The following WDR72 variants were observed in gnomAD, a reference collection of about 807,000 sequenced individuals.
WDR72 encodes WD repeat-containing protein 72.
WDR72 carries 120 observed loss-of-function variants against 124.2 expected under a neutral mutation model. The observed-to-expected ratio is 0.97, with a 90% confidence interval of 0.83 to 1.12. The LOEUF (loss-of-function observed/expected upper bound fraction) is 1.12, where lower values mean the gene tolerates loss of function less well. Among genes scored for constraint, WDR72 ranks in the 50% most tolerant of loss-of-function variants. The pLI, the probability that WDR72 is intolerant of heterozygous loss-of-function variation, is 0.00. For missense variants in WDR72, 1,387 were observed against 1,278.8 expected (o/e 1.08, Z -1.29); for synonymous variants, 452 against 441.7 (o/e 1.02, Z -0.29).
chr15:53,755,473 G>A (rs757402062), intron 1 of WDR72, among the ~76,000 whole-genome samples: 52 of 152,068 alleles, frequency 3.4e-4, no homozygotes, highest in Non-Finnish European at 5.6e-4. Context: ...TCTCAAAAGC[G>A]GGCATATAGA....
Position 53,597,043 on chromosome 15 carries a change from C to T in WDR72, c.3148+36G>A, listed in dbSNP as rs949405085. 1.9e-6 allele frequency: 3 copies of T among 1,602,998 alleles called. No individual in the cohort carries two copies. The African/African-American group carries it at 4.0e-5, about 21-fold the overall frequency. The stretch of plus-strand genomic sequence containing the variant: ...GGAGACTATCTATAGTAGAAAAGTT[C>T]TGTTGAAAGAGTATACCAATAAATT... On this transcript the variant is annotated intron_variant, in intron 18 of 19. Coordinates refer to ENST00000360509, the MANE Select transcript of WDR72 (RefSeq NM_182758.4).
At chr15:53,674,356 C>T (rs1381176871) in intron 13 of WDR72, among the ~76,000 whole-genome samples, 3 of 152,202 alleles carry the variant, frequency 2.0e-5, no homozygotes, top group Non-Finnish European at 2.9e-5. Context: ...GTCTGTTATA[C>T]AATTTATCAT....
intron 14 of WDR72, among the ~76,000 whole-genome samples, chr15:53,654,765 T>A (rs1227830470): frequency 2.0e-5 from 3 of 152,214 alleles, no homozygotes; most frequent in Non-Finnish European, 4.4e-5. Flanking sequence ...TGGATTATCA[T>A]AAAAAGTGAA....
At chr15:53,543,157 A>G (rs1342117360) in intron 18 of WDR72, among the ~76,000 whole-genome samples, 1 of 143,222 alleles carries the variant, frequency 7.0e-6, no homozygotes, top group Non-Finnish European at 1.5e-5. Flanking sequence ...ATAGACATCT[A>G]CAGAACTCTC....
At position 53,711,495 on chromosome 15, in the gene WDR72, T is replaced by C; in HGVS notation, c.712-14A>G. On this transcript the variant is annotated splice_polypyrimidine_tract_variant and intron_variant, in intron 7 of 19. Transcript: ENST00000360509. ...ATAATCATAAACCTAAAATATGAAG[T>C]TGATGCACATTATCAAAGGCTTAAA... The C allele has an allele frequency of 6.2e-7, 1 of 1,613,786 alleles. No individual in the cohort carries two copies. Among genetic ancestry groups the C allele is most frequent in the Non-Finnish European group, 8.5e-7 (1 of 1,179,928 alleles).
At chr15:53,598,249 TACATCCCAGTGCCTTTCATATAGCC>T (rs2140341188) in intron 17 of WDR72, among the ~76,000 whole-genome samples, 1 of 86,106 alleles carries the variant, frequency 1.2e-5, no homozygotes, top group African/African-American at 2.9e-5. Flanking sequence ...TTCATATAGC[TACATCCCAGTGCCTTTCATATAGCC>T]ACATCCCAGT....
At chr15:53,597,650 T>G (rs1185003620) in intron 17 of WDR72, among the ~76,000 whole-genome samples, 1 of 152,158 alleles carries the variant, frequency 6.6e-6, no homozygotes, top group Non-Finnish European at 1.5e-5. Flanking sequence ...CAAGGTTAGA[T>G]CCTCAAACCA....
chr15:53,516,411 G>A lies in WDR72; in HGVS notation c.*1288C>T, dbSNP rs2140191308. ...TCCTGTCTACTGCATCCCAGCATAA[G>A]ACCTGAGGCTGGTCCCATGCTCAAA... On this transcript the variant is annotated 3_prime_UTR_variant, in exon 20 of 20. Transcript: ENST00000360509. The A allele has an allele frequency of 6.6e-6, 1 of 152,152 alleles. No individual in the cohort carries two copies. The highest frequency in any genetic ancestry group is 1.9e-4 in the East Asian group (1 of 5,156). The allele number at this position is 152,152 out of a possible 1,614,324, so 9.4% of individuals were successfully genotyped here.
chr15:53,596,934 T>C (rs2012805186), intron 18 of WDR72, 145 bp downstream of exon 18: 1 of 792,758 alleles, frequency 1.3e-6, no homozygotes, highest in Admixed American at 2.0e-5. Context: ...TATAACCCCA[T>C]CATAAGTCAA....
Position 53,615,115 on chromosome 15 carries a change from T to A in WDR72, c.2780+311A>T, listed in dbSNP as rs79482099. Among the ~76,000 whole-genome samples the A allele has an allele frequency of 4.4e-3, 664 of 152,102 alleles. 10 individuals carry two copies. Among genetic ancestry groups the A allele is most frequent in the African/African-American group, 0.015 (637 of 41,498 alleles). The stretch of plus-strand genomic sequence containing the variant: ...GTCTATGTATGTATATGTGTATGTA[T>A]GTATGTATGTATCTATCTATCAACT... On this transcript the variant is annotated intron_variant, in intron 15 of 19. Coordinates refer to ENST00000360509, the MANE Select transcript of WDR72 (RefSeq NM_182758.4).
intron 14 of WDR72, among the ~76,000 whole-genome samples, chr15:53,660,211 ATT>A (rs2015562726): frequency 6.7e-6 from 1 of 148,322 alleles, no homozygotes; most frequent in Non-Finnish European, 1.5e-5. Context: ...TAAAATAAAT[ATT>A]TGTTCTTTTT....
At chr15:53,642,196 G>A (rs145411607) in intron 14 of WDR72, among the ~76,000 whole-genome samples, 17 of 152,082 alleles carry the variant, frequency 1.1e-4, no homozygotes, top group African/African-American at 4.1e-4. Context: ...TGAAAGAAGA[G>A]TGACATTATA....
intron 18 of WDR72, among the ~76,000 whole-genome samples, chr15:53,574,479 G>A (rs1432389344): frequency 6.6e-6 from 1 of 152,096 alleles, no homozygotes; most frequent in Non-Finnish European, 1.5e-5. Context: ...TCAATTATAA[G>A]AGGCACTCAG....
intron 18 of WDR72, among the ~76,000 whole-genome samples, chr15:53,577,959 G>C (rs1293690960): frequency 6.6e-6 from 1 of 152,078 alleles, no homozygotes; most frequent in East Asian, 1.9e-4. Context: ...AAAATGAAGA[G>C]AATTCTATCC....
At chr15:53,570,104 T>G (rs932653457) in intron 18 of WDR72, among the ~76,000 whole-genome samples, 9 of 152,084 alleles carry the variant, frequency 5.9e-5, no homozygotes, top group South Asian at 2.1e-4. Flanking sequence ...ACTCCCCCCT[T>G]TTTTCCAGTA....
intron 9 of WDR72, among the ~76,000 whole-genome samples, chr15:53,709,001 C>T (rs1326300273): frequency 6.6e-6 from 1 of 152,184 alleles, no homozygotes; most frequent in African/African-American, 2.4e-5. Context: ...TAACTGAGAA[C>T]CTGTTACTGT....
intron 14 of WDR72, among the ~76,000 whole-genome samples, chr15:53,648,585 A>T (rs369622461): frequency 2.6e-5 from 4 of 152,140 alleles, no homozygotes; most frequent in Non-Finnish European, 5.9e-5. Context: ...AATTTTTTTT[A>T]AAATAGTGTT....
intron 18 of WDR72, among the ~76,000 whole-genome samples, chr15:53,587,993 G>A (rs1468257669): frequency 1.3e-5 from 2 of 151,990 alleles, no homozygotes; most frequent in South Asian, 4.1e-4. Context: ...ATTTTTCCTG[G>A]TGGTTCTCTA....
chr15:53,718,380 C>A (rs1215894336), intron 3 of WDR72, among the ~76,000 whole-genome samples: 1 of 152,142 alleles, frequency 6.6e-6, no homozygotes, highest in African/African-American at 2.4e-5. Context: ...GGATTGGAAC[C>A]TGGACACCAG....
Sources: gnomAD v4.1 joint callset for allele counts (sites outside exome capture counted in the v4.1 genomes callset) on GRCh38, gnomAD v4.1.1 for gene constraint, MANE v1.5 for transcripts, NCBI Gene and HGNC (gene_info 2026-07-23, HGNC 2026-07-21) for gene names.